Variants in JARID2 observed in about 807,000 individuals in gnomAD.
JARID2 encodes protein Jumonji.
In JARID2, 21 loss-of-function variants were observed where a neutral mutation model predicts 125.6. The ratio of observed to expected loss-of-function variants is 0.17; its 90% CI spans 0.12 to 0.24. JARID2 has a LOEUF of 0.24. JARID2 is among the 10% of genes least tolerant of loss of function. The probability of loss-of-function intolerance (pLI) is 1.00; values close to 1 mark genes in which losing one functional copy is unlikely to be tolerated. For synonymous variants in JARID2, 736 were observed against 661.6 expected (o/e 1.11, Z -1.73); for missense variants, 1,303 against 1,639.6 (o/e 0.79, Z 3.55).
chr6:15,262,829 C>T (rs1053320691), intron 1 of JARID2, among the ~76,000 whole-genome samples: 7 of 152,168 alleles, frequency 4.6e-5, no homozygotes, highest in African/African-American at 1.2e-4. Flanking sequence ...GTGCCCGGCC[C>T]GTTTGGCTAT....
rs114289022 is a variant in JARID2, at chr6:15,393,248, C to G, written c.182-16976C>G. Among the ~76,000 whole-genome samples the G allele has an allele frequency of 4.7e-3, 713 of 152,260 alleles. 10 individuals are homozygous for G. The highest frequency in any genetic ancestry group is 0.015 in the African/African-American group (640 of 41,546). On this transcript the variant is annotated intron_variant, in intron 2 of 17. Coordinates refer to ENST00000341776, the MANE Select transcript of JARID2 (RefSeq NM_004973.4). ...CTCAAATGCCTTTTAGTCTTTTGGG[C>G]AATGTTAGAATATGTTTGCCCATGG...
At chr6:15,519,440 CCT>C (rs1292331807) in intron 17 of JARID2, among the ~76,000 whole-genome samples, 1 of 152,144 alleles carries the variant, frequency 6.6e-6, no homozygotes, top group Non-Finnish European at 1.5e-5. Context: ...TGGCTGGCTT[CCT>C]CTCCTGCCAG....
At chr6:15,258,116 G>C (rs1759736288) in intron 1 of JARID2, among the ~76,000 whole-genome samples, 1 of 152,184 alleles carries the variant, frequency 6.6e-6, no homozygotes, top group Non-Finnish European at 1.5e-5. Context: ...TGTGAGGTGG[G>C]CTTTGTATAT....
intron 7 of JARID2, among the ~76,000 whole-genome samples, chr6:15,497,776 G>A (rs977415073): frequency 6.6e-6 from 1 of 152,196 alleles, no homozygotes; most frequent in Non-Finnish European, 1.5e-5. Context: ...GGGCCGGGGG[G>A]CCAGTGGGGA....
chr6:15,276,736 A>G (rs1485263024), intron 1 of JARID2, among the ~76,000 whole-genome samples: 1 of 152,146 alleles, frequency 6.6e-6, no homozygotes, highest in Non-Finnish European at 1.5e-5. Context: ...CTCTGGAATG[A>G]GCCAGGGGGT....
intron 3 of JARID2, among the ~76,000 whole-genome samples, chr6:15,423,005 T>TA (rs1554135100): frequency 2.7e-4 from 39 of 143,904 alleles, no homozygotes; most frequent in African/African-American, 9.8e-4. Flanking sequence ...TTTTTTTTTT[T>TA]AAACATTTAT....
At chr6:15,352,265 A>C (rs1381287653) in intron 1 of JARID2, among the ~76,000 whole-genome samples, 2 of 152,140 alleles carry the variant, frequency 1.3e-5, no homozygotes, top group Non-Finnish European at 2.9e-5. Context: ...AAAGACTATA[A>C]TTTTAACAAG....
At chr6:15,406,706 CG>C (rs1307578901) in intron 2 of JARID2, among the ~76,000 whole-genome samples, 1 of 152,128 alleles carries the variant, frequency 6.6e-6, no homozygotes, top group Non-Finnish European at 1.5e-5. Flanking sequence ...TACATAAAAT[CG>C]TTTAATATTC....
intron 4 of JARID2, among the ~76,000 whole-genome samples, chr6:15,455,277 G>GA (rs1208992597): frequency 6.7e-6 from 1 of 149,642 alleles, no homozygotes; most frequent in East Asian, 2.0e-4. Context: ...TTTTTTAAAT[G>GA]ACAAATAATA....
intron 1 of JARID2, among the ~76,000 whole-genome samples, chr6:15,309,101 C>G (rs771557613): frequency 3.9e-5 from 6 of 152,168 alleles, no homozygotes; most frequent in Non-Finnish European, 5.9e-5. Context: ...TGGGAAAATT[C>G]CATTCTCTTG....
intron 1 of JARID2, among the ~76,000 whole-genome samples, 186 bp downstream of exon 1, chr6:15,246,770 A>G (rs1305160949): frequency 6.6e-6 from 1 of 152,170 alleles, no homozygotes; most frequent in Non-Finnish European, 1.5e-5. Context: ...GAAAAAACAG[A>G]CTGGTGTAGA....
At chr6:15,413,011 T>TTG (rs1765962109) in intron 3 of JARID2, among the ~76,000 whole-genome samples, 1 of 86,532 alleles carries the variant, frequency 1.2e-5, no homozygotes, top group African/African-American at 4.2e-5. Flanking sequence ...TGTTTTTGTT[T>TTG]TTTTTTTTTT....
chr6:15,331,186 T>A (rs1302596891), intron 1 of JARID2, among the ~76,000 whole-genome samples: 7 of 151,696 alleles, frequency 4.6e-5, no homozygotes, highest in Admixed American at 3.9e-4. Context: ...ATACAAAAAT[T>A]AGCTGGGCAT....
At chr6:15,384,406 T>G (rs1342453153) in intron 2 of JARID2, among the ~76,000 whole-genome samples, 1 of 148,678 alleles carries the variant, frequency 6.7e-6, no homozygotes, top group African/African-American at 2.5e-5. Context: ...CCTCATGAAG[T>G]TAAGATGTCC....
intron 1 of JARID2, chr6:15,368,786 A>G (rs930179100): frequency 1.1e-5 from 5 of 463,154 alleles, no homozygotes; most frequent in Admixed American, 2.3e-5. Flanking sequence ...CATGGGATGG[A>G]TGTTTGAAGC....
chr6:15,424,082 G>A (rs1766618486), intron 3 of JARID2, among the ~76,000 whole-genome samples: 2 of 151,968 alleles, frequency 1.3e-5, no homozygotes, highest in African/African-American at 4.8e-5. Context: ...AACTCTTTCT[G>A]GGAGGCACAC....
intron 1 of JARID2, among the ~76,000 whole-genome samples, chr6:15,298,691 AAAAG>A (rs1561778341): frequency 6.6e-6 from 1 of 151,838 alleles, no homozygotes; most frequent in Non-Finnish European, 1.5e-5. Flanking sequence ...AAAAAAAAAA[AAAAG>A]AAAAAATTTC....
chr6:15,257,820 ATT>A (rs1445732773), intron 1 of JARID2, among the ~76,000 whole-genome samples: 1 of 152,196 alleles, frequency 6.6e-6, no homozygotes, highest in Non-Finnish European at 1.5e-5. Context: ...GTTGAGTTTT[ATT>A]TAAGTTTCTA....
At chr6:15,291,086 A>G (rs924781309) in intron 1 of JARID2, among the ~76,000 whole-genome samples, 1 of 152,186 alleles carries the variant, frequency 6.6e-6, no homozygotes, top group Admixed American at 6.5e-5. Context: ...ATTAAAAAAA[A>G]TTAATCAGCC....
Sources: gnomAD v4.1 joint callset for allele counts (sites outside exome capture counted in the v4.1 genomes callset) on GRCh38, gnomAD v4.1.1 for gene constraint, MANE v1.5 for transcripts, NCBI Gene and HGNC (gene_info 2026-07-23, HGNC 2026-07-21) for gene names.